VSNL1: variants seen among roughly 807,000 people sequenced by gnomAD.
VSNL1 encodes the protein visinin like 1, also known as visinin-like protein 1.
Under a neutral mutation model 20.4 loss-of-function variants are expected in VSNL1, and 6 were observed. The observed-to-expected ratio is 0.29, with a 90% CI of 0.16 to 0.58. VSNL1 has a LOEUF of 0.58. Ranked by LOEUF, VSNL1 falls within the 20% of genes least tolerant of loss-of-function variation. The probability of loss-of-function intolerance (pLI) is 0.90; values close to 1 mark genes in which losing one functional copy is unlikely to be tolerated. For synonymous variants in VSNL1, 93 were observed against 86.4 expected (o/e 1.08, Z -0.42); for missense variants, 100 against 234.5 (o/e 0.43, Z 3.75).
chr2:17,591,224 C>T (rs1664586583), intron 1 of VSNL1, among the ~76,000 whole-genome samples: 1 of 152,082 alleles, frequency 6.6e-6, no homozygotes, highest in Non-Finnish European at 1.5e-5. Flanking sequence ...CCCTAAGTAA[C>T]ACATGTAGTA....
intron 2 of VSNL1, among the ~76,000 whole-genome samples, chr2:17,604,113 G>A (rs12053198): frequency 0.24 from 36,568 of 152,144 alleles, 5,751 homozygotes; most frequent in Middle Eastern, 0.49. Context: ...GGCCTTGGGA[G>A]CTCAAAGAAC....
At chr2:17,638,949 G>T (rs1312756060) in intron 2 of VSNL1, among the ~76,000 whole-genome samples, 1 of 152,198 alleles carries the variant, frequency 6.6e-6, no homozygotes, top group Admixed American at 6.5e-5. Context: ...GGTCTCTGAT[G>T]CCCTGGTGTG....
At chr2:17,628,833 G>C (rs1241666375) in intron 2 of VSNL1, among the ~76,000 whole-genome samples, 1 of 152,202 alleles carries the variant, frequency 6.6e-6, no homozygotes, top group East Asian at 1.9e-4. Context: ...GGGCTCCAAG[G>C]AGGCTCTGCT....
chr2:17,555,585 A>C (rs893953360), intron 1 of VSNL1, among the ~76,000 whole-genome samples: 1 of 152,186 alleles, frequency 6.6e-6, no homozygotes, highest in African/African-American at 2.4e-5. Flanking sequence ...TGAATTTCTC[A>C]AAATTCTCTA....
At chr2:17,647,118 A>G (rs1666015554) in intron 2 of VSNL1, among the ~76,000 whole-genome samples, 1 of 152,236 alleles carries the variant, frequency 6.6e-6, no homozygotes, top group Non-Finnish European at 1.5e-5. Context: ...CAAAATTTAC[A>G]ATTGATTTTT....
At chr2:17,622,581 AAAGAAAGAAAGAAAG>A (rs1665403002) in intron 2 of VSNL1, among the ~76,000 whole-genome samples, 1 of 125,570 alleles carries the variant, frequency 8.0e-6, no homozygotes, top group Non-Finnish European at 1.8e-5. Flanking sequence ...AGAAAGAAAG[AAAGAAAGAAAGAAAG>A]AAAGAAAAGA....
chr2:17,648,227 G>C (rs568314467), intron 2 of VSNL1, among the ~76,000 whole-genome samples: 27 of 152,310 alleles, frequency 1.8e-4, no homozygotes, highest in African/African-American at 6.5e-4. Flanking sequence ...CTGTGTTAAA[G>C]CATATCTTAT....
intron 1 of VSNL1, among the ~76,000 whole-genome samples, chr2:17,561,604 C>A (rs893284990): frequency 3.9e-5 from 6 of 152,156 alleles, no homozygotes; most frequent in African/African-American, 1.4e-4. Flanking sequence ...TCAAAAGATA[C>A]TTTTGGAGAA....
rs547167153 is a variant in VSNL1, at chr2:17,624,148, C to A, written c.163-25262C>A. Reference sequence around the variant, plus strand: ...CTTCAAGGAAGACACAGAGCACAGTCTCCTACACTTGTTTCTGTGTTAAAA... The same window carrying A: ...CTTCAAGGAAGACACAGAGCACAGTATCCTACACTTGTTTCTGTGTTAAAA... On this transcript the variant is annotated intron_variant, in intron 2 of 3. Coordinates refer to ENST00000295156, the MANE Select transcript of VSNL1 (RefSeq NM_003385.5). Among the ~76,000 whole-genome samples, 79 of 152,336 alleles carry A rather than the reference C, an allele frequency of 5.2e-4. 1 individual carries two copies. Among genetic ancestry groups the A allele is most frequent in the Admixed American group, 4.2e-3 (64 of 15,304 alleles).
chr2:17,596,862 C>T (rs1949510), intron 2 of VSNL1, among the ~76,000 whole-genome samples: 16,710 of 152,128 alleles, frequency 0.11, 1,186 homozygotes, highest in African/African-American at 0.2. Flanking sequence ...TAATAAGACC[C>T]GTTTTATCAC....
At chr2:17,607,133 T>C (rs1664961895) in intron 2 of VSNL1, among the ~76,000 whole-genome samples, 1 of 152,136 alleles carries the variant, frequency 6.6e-6, no homozygotes. Context: ...AGTGGGGTCT[T>C]ATGTTCCTTG....
intron 2 of VSNL1, among the ~76,000 whole-genome samples, chr2:17,593,686 TAAG>T (rs1190299061): frequency 6.6e-6 from 1 of 152,370 alleles, no homozygotes; most frequent in Non-Finnish European, 1.5e-5. Flanking sequence ...GTGACATTTC[TAAG>T]AAGATCTGGG....
Position 17,649,423 on chromosome 2 carries a change from G to A in VSNL1, c.176G>A (p.Gly59Glu), listed in dbSNP as rs1241490995. The change falls in exon 3 of 4, where the codon GGA (glycine) becomes GAA (glutamate). Residue 59 changes from glycine to glutamate, a missense_variant. By Grantham distance (98) the Gly-to-Glu change is moderately conservative. Coordinates refer to ENST00000295156, the MANE Select transcript of VSNL1 (RefSeq NM_003385.5). This position sits in a 1 kb window ranked among gnomAD's most constrained non-coding sequence, Gnocchi z 6.4. The part of the protein sequence containing the change: ...QQLYVKFFPY[G>E]DASKFAQHAF... The stretch of plus-strand genomic sequence containing the variant: ...TCTCCTTTGCAGTTCTTTCCTTATG[G>A]AGACGCCTCCAAGTTTGCCCAGCAT... The A allele has an allele frequency of 6.2e-7, 1 of 1,614,040 alleles. No individual in the cohort carries two copies. Among genetic ancestry groups the A allele is most frequent in the Non-Finnish European group, 8.5e-7 (1 of 1,180,040 alleles).
At chr2:17,549,180 G>T (rs974432342) in intron 1 of VSNL1, among the ~76,000 whole-genome samples, 2 of 152,172 alleles carry the variant, frequency 1.3e-5, no homozygotes, top group South Asian at 4.1e-4. Flanking sequence ...CACATAAATG[G>T]TTCTCAAATA....
intron 1 of VSNL1, among the ~76,000 whole-genome samples, chr2:17,551,777 G>C (rs1663541838): frequency 1.3e-5 from 2 of 151,584 alleles, no homozygotes; most frequent in Admixed American, 1.3e-4. Context: ...ATCTTTGGCT[G>C]TTAGCCAAAA....
chr2:17,639,523 T>G (rs1572216640), intron 2 of VSNL1, among the ~76,000 whole-genome samples: 1 of 152,216 alleles, frequency 6.6e-6, no homozygotes, highest in East Asian at 1.9e-4. Context: ...TCACTCAATA[T>G]ATTGTTTTCT....
At chr2:17,632,492 A>G (rs1197400911) in intron 2 of VSNL1, among the ~76,000 whole-genome samples, 1 of 151,418 alleles carries the variant, frequency 6.6e-6, no homozygotes, top group Non-Finnish European at 1.5e-5. Flanking sequence ...GTAGAGATGG[A>G]GTTTCACCAT....
At chr2:17,573,893 T>G (rs1398464400) in intron 1 of VSNL1, among the ~76,000 whole-genome samples, 5 of 152,320 alleles carry the variant, frequency 3.3e-5, no homozygotes, top group African/African-American at 1.2e-4. Context: ...AGGAAAGAGT[T>G]TATCTAAGCT....
At position 17,655,464 on chromosome 2, in the gene VSNL1, C is replaced by CAT. The variant is rs1333555215; in HGVS notation, c.*71_*72insTA. ...TTCAGTCTGCAGCTATTCACACACACACACACACACACACACACACACACA... is the reference window on the plus strand; with the variant it reads ...TTCAGTCTGCAGCTATTCACACACACATACACACACACACACACACACACACA... On this transcript the variant is annotated 3_prime_UTR_variant, in exon 4 of 4. Transcript: ENST00000295156. The surrounding 1 kb of genome is among the most constrained non-coding windows in gnomAD (Gnocchi z 5.2). 13 of 828,416 alleles carry CAT rather than the reference C, an allele frequency of 1.6e-5. 1 individual carries two copies. The highest frequency in any genetic ancestry group is 2.4e-5 in the Non-Finnish European group (13 of 548,706). The allele number at this position is 828,416 out of a possible 1,614,324, so 51.3% of individuals were successfully genotyped here. A position where few individuals can be genotyped will look rare whatever the true frequency, so the allele number is the denominator to read the frequency against.
Sources: allele counts gnomAD v4.1 joint callset (sites outside exome capture counted in the v4.1 genomes callset), GRCh38; gene constraint gnomAD v4.1.1; non-coding constraint Gnocchi (gnomAD v3.1); transcripts MANE v1.5; gene names NCBI Gene and HGNC (gene_info 2026-07-23, HGNC 2026-07-21).